Variants in SLC35F3 observed in about 807,000 individuals in gnomAD.
The protein encoded by SLC35F3 is putative thiamine transporter SLC35F3.
Under a neutral mutation model 49.9 loss-of-function variants are expected in SLC35F3, and 25 were observed. The observed-to-expected ratio is 0.50, with a 90% CI of 0.37 to 0.70. The LOEUF (loss-of-function observed/expected upper bound fraction) is 0.70. Ranked by LOEUF, SLC35F3 falls within the 30% of genes least tolerant of loss-of-function variation. The pLI is 0.00. For synonymous variants in SLC35F3, 275 were observed against 265.4 expected, an observed-to-expected ratio of 1.04 and a Z score of -0.35; for missense variants, 525 against 639.8, an observed-to-expected ratio of 0.82 and a Z score of 1.94.
intron 2 of SLC35F3, among the ~76,000 whole-genome samples, chr1:233,997,559 G>A (rs924926254): frequency 1.2e-4 from 18 of 151,986 alleles, no homozygotes; most frequent in Admixed American, 3.3e-4. Context: ...AAAAACATGC[G>A]TTCAGATCCC....
chr1:234,198,132 T>C (rs187392389), intron 2 of SLC35F3, among the ~76,000 whole-genome samples: 42 of 152,348 alleles, frequency 2.8e-4, no homozygotes, highest in South Asian at 4.1e-4. Context: ...AGGAAATACC[T>C]AGCACAGCAG....
chr1:233,989,481 A>G (rs1402606674), intron 2 of SLC35F3, among the ~76,000 whole-genome samples: 1 of 152,212 alleles, frequency 6.6e-6, no homozygotes, highest in African/African-American at 2.4e-5. Flanking sequence ...ATGTGGTACT[A>G]AGCAAATATT....
intron 2 of SLC35F3, among the ~76,000 whole-genome samples, chr1:234,150,784 A>C (rs1224077487): frequency 6.6e-6 from 1 of 152,220 alleles, no homozygotes; most frequent in Non-Finnish European, 1.5e-5. Context: ...ATGAAAATAT[A>C]TTCCCGGCAC....
At chr1:234,053,742 G>A (rs1394012742) in intron 2 of SLC35F3, among the ~76,000 whole-genome samples, 2 of 152,180 alleles carry the variant, frequency 1.3e-5, no homozygotes, top group African/African-American at 4.8e-5. Context: ...AGCATCGATG[G>A]TCTTTACAAT....
At chr1:234,042,865 G>A (rs1020550338) in intron 2 of SLC35F3, among the ~76,000 whole-genome samples, 3 of 152,152 alleles carry the variant, frequency 2.0e-5, no homozygotes, top group South Asian at 2.1e-4. Flanking sequence ...CTGCTTTGAC[G>A]AGCAGCCGTC....
intron 2 of SLC35F3, among the ~76,000 whole-genome samples, chr1:234,220,043 T>C (rs1667179192): frequency 6.6e-6 from 1 of 152,062 alleles, no homozygotes; most frequent in African/African-American, 2.4e-5. Flanking sequence ...GGGCAGATGC[T>C]GAGGCATCCT....
At position 234,043,306 on chromosome 1, in the gene SLC35F3, T is replaced by C. The variant is rs147062060; in HGVS notation, c.283+137548T>C. Among the ~76,000 whole-genome samples, 230 of 152,358 alleles carry C rather than the reference T, an allele frequency of 1.5e-3. 3 individuals are homozygous for C. In the East Asian group the frequency reaches 0.035, roughly 23 times the overall value. ...TTATTCAAGACCTTAACATTGTTTCTGTTAATGCTCATTATAACTATCATT... is the reference window on the plus strand; with the variant it reads ...TTATTCAAGACCTTAACATTGTTTCCGTTAATGCTCATTATAACTATCATT... On this transcript the variant is annotated intron_variant, in intron 2 of 7. Transcript: ENST00000366618.
intron 2 of SLC35F3, among the ~76,000 whole-genome samples, chr1:234,040,832 G>A (rs952890751): frequency 5.3e-5 from 8 of 152,210 alleles, no homozygotes; most frequent in Non-Finnish European, 7.3e-5. Flanking sequence ...TCTGGGATAT[G>A]TCTGAAAAAA....
chr1:233,932,859 G>GT (rs756301779), intron 2 of SLC35F3, among the ~76,000 whole-genome samples: 4 of 152,152 alleles, frequency 2.6e-5, no homozygotes, highest in South Asian at 2.1e-4. Flanking sequence ...AATCCCATTT[G>GT]TTTTGGATAT....
At chr1:233,938,265 G>A (rs1243206930) in intron 2 of SLC35F3, among the ~76,000 whole-genome samples, 1 of 152,200 alleles carries the variant, frequency 6.6e-6, no homozygotes, top group Non-Finnish European at 1.5e-5. Context: ...AAGAAAGCCT[G>A]CAGCTGTGAA....
chr1:234,112,149 T>G (rs1460164169), intron 2 of SLC35F3, among the ~76,000 whole-genome samples: 1 of 152,060 alleles, frequency 6.6e-6, no homozygotes, highest in African/African-American at 2.4e-5. Context: ...AAGACTAGCC[T>G]GGGCAGTGAG....
At chr1:234,216,205 T>A (rs889862284) in intron 2 of SLC35F3, among the ~76,000 whole-genome samples, 4 of 151,946 alleles carry the variant, frequency 2.6e-5, no homozygotes, top group African/African-American at 7.3e-5. Flanking sequence ...AAGCAGGGAG[T>A]GAGTGTCTGC....
intron 3 of SLC35F3, among the ~76,000 whole-genome samples, chr1:234,306,246 C>T (rs1472534133): frequency 2.0e-5 from 3 of 152,136 alleles, no homozygotes; most frequent in Admixed American, 1.3e-4. Context: ...CTGCAACCTC[C>T]GCCTCCCGGG....
Position 234,268,131 on chromosome 1 carries a change from C to T in SLC35F3, c.608+36390C>T, listed in dbSNP as rs529293907. Among the ~76,000 whole-genome samples, 388 of 152,122 alleles carry T rather than the reference C, an allele frequency of 2.6e-3. 1 individual carries two copies. Among genetic ancestry groups the T allele is most frequent in the African/African-American group, 8.9e-3 (368 of 41,474 alleles). ...CTGGGAGGTGGAGGTTGTAGCGAGCCGAGATCACGCCACTGCACTCCAGCC... is the reference window on the plus strand; with the variant it reads ...CTGGGAGGTGGAGGTTGTAGCGAGCTGAGATCACGCCACTGCACTCCAGCC... On this transcript the variant is annotated intron_variant, in intron 3 of 7. Coordinates refer to ENST00000366618, the MANE Select transcript of SLC35F3 (RefSeq NM_173508.4).
chr1:234,129,799 T>C (rs1665705393), intron 2 of SLC35F3, among the ~76,000 whole-genome samples: 1 of 152,170 alleles, frequency 6.6e-6, no homozygotes, highest in South Asian at 2.1e-4. Context: ...AAGGCACCAA[T>C]ACAATGCAAT....
chr1:234,282,992 G>A lies in SLC35F3; in HGVS notation c.609-26109G>A, dbSNP rs562520480. Among the ~76,000 whole-genome samples, 7 of 152,260 alleles carry A rather than the reference G, an allele frequency of 4.6e-5. No individual in the cohort carries two copies. The East Asian group carries it at 9.7e-4, about 21-fold the overall frequency. On this transcript the variant is annotated intron_variant, in intron 3 of 7. Transcript: ENST00000366618. ...AACTAGATTACTTCTTGAAGATTAC[G>A]CCAAACCACGAGGTGCTGTTCTTTC...
At chr1:233,912,502 CAAACAAAA>C (rs1558176285) in intron 2 of SLC35F3, among the ~76,000 whole-genome samples, 16,702 of 151,916 alleles carry the variant, frequency 0.11, 1,135 homozygotes, top group East Asian at 0.17. Context: ...AAGAAACAAA[CAAACAAAA>C]AAAACGAAAA....
At chr1:233,950,503 C>T (rs950388984) in intron 2 of SLC35F3, among the ~76,000 whole-genome samples, 1 of 144,520 alleles carries the variant, frequency 6.9e-6, no homozygotes, top group Non-Finnish European at 1.5e-5. Context: ...CTCCCCACTT[C>T]CTCCCTTCCT....
At chr1:233,968,671 C>T (rs1156687416) in intron 2 of SLC35F3, among the ~76,000 whole-genome samples, 1 of 151,730 alleles carries the variant, frequency 6.6e-6, no homozygotes, top group Admixed American at 6.6e-5. Context: ...TTTTAGTAAA[C>T]ACGGGGTTTC....
Sources: gnomAD v4.1 joint callset for allele counts (sites outside exome capture counted in the v4.1 genomes callset) on GRCh38, gnomAD v4.1.1 for gene constraint, MANE v1.5 for transcripts, NCBI Gene and HGNC (gene_info 2026-07-23, HGNC 2026-07-21) for gene names.